CSMD3: variants seen among roughly 807,000 people sequenced by gnomAD.
CSMD3 encodes the protein CUB and sushi domain-containing protein 3.
A neutral mutation model predicts 435.2 loss-of-function variants in CSMD3; 177 were observed. That is an observed-to-expected ratio of 0.41 (90% CI 0.36 to 0.46). CSMD3 has a LOEUF of 0.46. Among genes scored for constraint, CSMD3 ranks in the 20% least tolerant of loss-of-function variants. CSMD3 has a pLI of 0.34. For synonymous variants in CSMD3, 1,656 were observed against 1,520.5 expected (o/e 1.09, Z -2.07); for missense variants, 4,265 against 4,504.6 (o/e 0.95, Z 1.52).
chr8:113,267,980 A>G (rs2093486212), intron 3 of CSMD3, among the ~76,000 whole-genome samples: 6 of 151,760 alleles, frequency 4.0e-5, no homozygotes, highest in Admixed American at 3.9e-4. Flanking sequence ...ATACATACAT[A>G]TAATTACATA....
chr8:113,323,133 T>A (rs1342813130), intron 1 of CSMD3, among the ~76,000 whole-genome samples: 14 of 152,306 alleles, frequency 9.2e-5, no homozygotes, highest in Non-Finnish European at 4.4e-5. Context: ...CCTCATTCGC[T>A]TTTTGAAGCC....
intron 12 of CSMD3, among the ~76,000 whole-genome samples, chr8:112,821,813 A>C (rs974073853): frequency 6.6e-6 from 1 of 152,016 alleles, no homozygotes; most frequent in Non-Finnish European, 1.5e-5. Context: ...ATCCATCTTG[A>C]GTTAATTTTT....
chr8:112,240,324 T>A (rs572703217), intron 66 of CSMD3, among the ~76,000 whole-genome samples: 3 of 152,234 alleles, frequency 2.0e-5, no homozygotes, highest in Admixed American at 6.6e-5. Context: ...TATTCAGAGT[T>A]TCCACCTGGT....
intron 1 of CSMD3, among the ~76,000 whole-genome samples, chr8:113,433,580 T>A (rs1395224923): frequency 6.6e-6 from 1 of 152,150 alleles, no homozygotes; most frequent in Non-Finnish European, 1.5e-5. Flanking sequence ...GCGAAGTCGC[T>A]CTGGCGAGAA....
chr8:112,677,566 C>T (rs1428830852), intron 16 of CSMD3, among the ~76,000 whole-genome samples: 2 of 149,778 alleles, frequency 1.3e-5, no homozygotes, highest in South Asian at 2.1e-4. Context: ...ATTGTACTGT[C>T]TCATGGTAAA....
Position 112,383,593 on chromosome 8 carries a change from T to C in CSMD3, c.6005A>G (p.Asn2002Ser), listed in dbSNP as rs1477311999. The change falls in exon 37 of 71, where the codon AAT becomes AGT. Residue 2002 changes from asparagine to serine, a missense_variant. Asn to Ser is a conservative substitution (Grantham distance 46). Transcript: ENST00000297405. Reference sequence around the variant, plus strand: ...TGAATAGCTTCCAAGTCTTGGAGCATTGTTGTCTCCCCCATCATAAAAGTC... The same window carrying C: ...TGAATAGCTTCCAAGTCTTGGAGCACTGTTGTCTCCCCCATCATAAAAGTC... ...SLDFYDGGDN[N>S]APRLGSYSGT... is the part of the protein sequence containing the mutation. 4 of 1,599,262 alleles carry C rather than the reference T, an allele frequency of 2.5e-6. No individual in the cohort carries two copies. In the Admixed American group the frequency reaches 5.0e-5, roughly 20 times the overall value.
intron 58 of CSMD3, among the ~76,000 whole-genome samples, chr8:112,286,079 A>T (rs1010784264): frequency 6.6e-6 from 1 of 152,012 alleles, no homozygotes; most frequent in Admixed American, 6.6e-5. Flanking sequence ...TTACTCAAAC[A>T]CCCTAGATGT....
chr8:113,135,091 T>A (rs1260315215), intron 4 of CSMD3, among the ~76,000 whole-genome samples: 1 of 152,008 alleles, frequency 6.6e-6, no homozygotes, highest in Non-Finnish European at 1.5e-5. Context: ...GTACTAGGAA[T>A]GAAAGTGCTA....
intron 32 of CSMD3, among the ~76,000 whole-genome samples, chr8:112,436,261 A>G (rs1019089419): frequency 6.6e-6 from 1 of 151,954 alleles, no homozygotes; most frequent in African/African-American, 2.4e-5. Context: ...ACTAATTTCC[A>G]TATAAATGTA....
intron 13 of CSMD3, among the ~76,000 whole-genome samples, chr8:112,799,007 A>G (rs563535371): frequency 1.3e-5 from 2 of 151,798 alleles, no homozygotes; most frequent in Admixed American, 6.6e-5. Flanking sequence ...AAGTTGCCGG[A>G]AAAAAAAGAC....
chr8:112,677,037 T>C (rs1033486201), intron 16 of CSMD3, among the ~76,000 whole-genome samples: 1 of 152,128 alleles, frequency 6.6e-6, no homozygotes, highest in African/African-American at 2.4e-5. Context: ...AAGAATTTAT[T>C]CACCAAGCTT....
chr8:112,912,577 T>C (rs1165455780), intron 10 of CSMD3, among the ~76,000 whole-genome samples: 1 of 151,930 alleles, frequency 6.6e-6, no homozygotes, highest in Non-Finnish European at 1.5e-5. Flanking sequence ...ATGGATTAAA[T>C]AGTTAAATAA....
At chr8:113,385,105 A>G (rs2094433774) in intron 1 of CSMD3, among the ~76,000 whole-genome samples, 1 of 152,186 alleles carries the variant, frequency 6.6e-6, no homozygotes, top group Non-Finnish European at 1.5e-5. Context: ...TACATAATTC[A>G]AAAGTCAATT....
rs115510457 is a variant in CSMD3 at position 112,993,421 on chromosome 8, T to C, written c.1031-17273A>G. Among the ~76,000 whole-genome samples the C allele has an allele frequency of 6.6e-3, 1,009 of 151,944 alleles. 12 individuals are homozygous for C. The highest frequency in any genetic ancestry group is 0.023 in the African/African-American group (967 of 41,512). On this transcript the variant is annotated intron_variant, in intron 6 of 70. Coordinates refer to ENST00000297405, the MANE Select transcript of CSMD3 (RefSeq NM_198123.2). ...AATGGGACATAAAATGATAGTATGA[T>C]ATTCCCACAGAATGGCATGCGTTGG...
intron 29 of CSMD3, among the ~76,000 whole-genome samples, chr8:112,505,513 T>C (rs1822407651): frequency 6.6e-6 from 1 of 152,136 alleles, no homozygotes; most frequent in Non-Finnish European, 1.5e-5. Flanking sequence ...CAGTAGTATT[T>C]ATTATGCACG....
At chr8:113,075,423 A>G (rs529121452) in intron 5 of CSMD3, among the ~76,000 whole-genome samples, 85 of 151,924 alleles carry the variant, frequency 5.6e-4, no homozygotes, top group Non-Finnish European at 1.0e-3. Flanking sequence ...TAATTTTTTC[A>G]TCTATTCAAA....
At chr8:113,407,783 A>G (rs2094539304) in intron 1 of CSMD3, among the ~76,000 whole-genome samples, 1 of 152,160 alleles carries the variant, frequency 6.6e-6, no homozygotes, top group Admixed American at 6.6e-5. Context: ...GATGCTTATT[A>G]AATTAATCAA....
At chr8:112,591,889 T>C (rs1831221895) in intron 22 of CSMD3, among the ~76,000 whole-genome samples, 1 of 151,974 alleles carries the variant, frequency 6.6e-6, no homozygotes, top group Non-Finnish European at 1.5e-5. Context: ...TTAGATTTCA[T>C]TTCATTAAGT....
At chr8:113,162,659 G>A (rs932726659) in intron 4 of CSMD3, among the ~76,000 whole-genome samples, 3 of 146,900 alleles carry the variant, frequency 2.0e-5, no homozygotes, top group Non-Finnish European at 4.5e-5. Flanking sequence ...CTTGTGTGAT[G>A]TTGCACTTTA....
Sources: allele counts gnomAD v4.1 joint callset (sites outside exome capture counted in the v4.1 genomes callset), GRCh38; gene constraint gnomAD v4.1.1; transcripts MANE v1.5; gene names NCBI Gene and HGNC (gene_info 2026-07-23, HGNC 2026-07-21).